EMC1: variants seen among roughly 807,000 people sequenced by gnomAD.
The protein encoded by EMC1 is ER membrane protein complex subunit 1.
EMC1 carries 103 observed loss-of-function variants against 128.8 expected under a neutral mutation model. That is an observed-to-expected ratio of 0.80 (90% confidence interval 0.68 to 0.94). The LOEUF (loss-of-function observed/expected upper bound fraction) is 0.94, where lower values mean the gene tolerates loss of function less well. Ranked by LOEUF, EMC1 falls within the 40% of genes least tolerant of loss-of-function variation. EMC1 has a pLI of 0.00. For synonymous variants in EMC1, 442 were observed against 490.4 expected, an observed-to-expected ratio of 0.90 and a Z score of 1.30; for missense variants, 1,083 against 1,250.6, an observed-to-expected ratio of 0.87 and a Z score of 2.02.
chr1:19,232,995 G>C lies in EMC1; in HGVS notation c.1573C>G (p.Leu525Val), dbSNP rs1192871067. ...QIKNEINIDT[L>V]ARDEFNLQKM... The stretch of plus-strand genomic sequence containing the variant: ...TGGAGGTTGAATTCATCTCTGGCCA[G>C]GGTGTCAATGTTGATCTCATTCTTA... The change falls in exon 14 of 23, where the codon CTG becomes GTG. Residue 525 changes from leucine (L) to valine (V), a missense_variant. Leu to Val is a conservative substitution (Grantham distance 32). Transcript: ENST00000477853. 8.1e-6 allele frequency: 13 copies of C among 1,614,190 alleles called. No homozygotes were observed. The highest frequency in any genetic ancestry group is 1.0e-5 in the Non-Finnish European group (12 of 1,180,036).
intron 21 of EMC1, chr1:19,220,441 A>C (rs2093422835): frequency 5.1e-6 from 1 of 194,526 alleles, no homozygotes; most frequent in Non-Finnish European, 1.0e-5. Context: ...GCACCTTCTC[A>C]AAGGGGCTTT....
intron 1 of EMC1, among the ~76,000 whole-genome samples, chr1:19,249,021 C>T (rs2093644781): frequency 6.6e-6 from 1 of 151,702 alleles, no homozygotes; most frequent in Admixed American, 6.6e-5. Flanking sequence ...AGCAAGATCC[C>T]ATGTCAAAAA....
chr1:19,231,519 G>C, intron 15 of EMC1, 97 bp from the exon 16 acceptor site: 1 of 1,287,826 alleles, frequency 7.8e-7, no homozygotes, highest in Admixed American at 2.9e-5. Context: ...ACAACTGTGG[G>C]GGTTCTCTAG....
chr1:19,242,344 C>A lies in EMC1; in HGVS notation c.509+1G>T, dbSNP rs2093611226. ...TATTGCCTGTGAGCAGGCAGCCTTACCTTTCTGGGAGATGTTCCACCCACT... is the reference window on the plus strand; with the variant it reads ...TATTGCCTGTGAGCAGGCAGCCTTAACTTTCTGGGAGATGTTCCACCCACT... On this transcript the variant is annotated splice_donor_variant, in intron 5 of 22. Transcript: ENST00000477853. LOFTEE classifies it high-confidence loss of function. 8.7e-6 allele frequency: 14 copies of A among 1,614,074 alleles called. No homozygotes were observed. Among genetic ancestry groups the A allele is most frequent in the African/African-American group, 1.3e-5 (1 of 74,934 alleles).
intron 4 of EMC1, 150 bp downstream of exon 4, chr1:19,243,464 A>G: frequency 1.5e-6 from 1 of 683,136 alleles, no homozygotes; most frequent in South Asian, 1.7e-5. Flanking sequence ...TTGGCTGAGC[A>G]AGCATATCCA....
chr1:19,237,790 A>G (rs750491043), intron 11 of EMC1, among the ~76,000 whole-genome samples: 3 of 152,218 alleles, frequency 2.0e-5, no homozygotes, highest in Non-Finnish European at 4.4e-5. Flanking sequence ...TAAATCAATT[A>G]ATGTGTAAGT....
Position 19,243,973 on chromosome 1 carries a change from T to G in EMC1, c.263A>C (p.Asp88Ala). 1 of 1,614,132 alleles carries G rather than the reference T, an allele frequency of 6.2e-7. No homozygotes were observed. The highest frequency in any genetic ancestry group is 1.3e-5 in the African/African-American group (1 of 75,030). ...VDKGTAEGAV[D>A]AMLLHGQDVI... ...ACCCTGTCCGTGCAGCAGCATGGCATCCACAGCCCCTTCTGCCGTGCCCTT... is the reference window on the plus strand; with the variant it reads ...ACCCTGTCCGTGCAGCAGCATGGCAGCCACAGCCCCTTCTGCCGTGCCCTT... The change falls in exon 3 of 23, where the codon GAT (aspartate) becomes GCT (alanine). Residue 88 changes from aspartate (D) to alanine (A), a missense_variant. Asp to Ala is a moderately radical substitution (Grantham distance 126). This residue lies in a region of EMC1 where 544 missense variants were observed against 572.4 expected (regional missense o/e 0.95). Transcript: ENST00000477853.
chr1:19,231,008 C>T, intron 16 of EMC1, 45 bp from the exon 17 acceptor site: 1 of 1,609,372 alleles, frequency 6.2e-7, no homozygotes, highest in Non-Finnish European at 8.5e-7. Flanking sequence ...GGAAATTTCC[C>T]CATCAAAGAG....
chr1:19,247,034 C>A (rs1394564235), intron 1 of EMC1, among the ~76,000 whole-genome samples: 4 of 152,184 alleles, frequency 2.6e-5, no homozygotes, highest in Non-Finnish European at 4.4e-5. Context: ...AAGAAGGCAG[C>A]CTTTTGCAAG....
Position 19,235,256 on chromosome 1 carries a change from C to T in EMC1, c.1310-4G>A. On this transcript the variant is annotated splice_region_variant and splice_polypyrimidine_tract_variant and intron_variant, in intron 12 of 22. Coordinates refer to ENST00000477853, the MANE Select transcript of EMC1 (RefSeq NM_015047.3). ...CTCCACAGCACCACCTTCCCTGCTA[C>T]AGGAAACATTTTTACAAAGCTAAGC... 6.2e-7 allele frequency: 1 copy of T among 1,610,914 alleles called. No homozygotes were observed.
intron 8 of EMC1, 89 bp downstream of exon 8, chr1:19,239,729 A>G (rs933458906): frequency 7.1e-7 from 1 of 1,403,110 alleles, no homozygotes; most frequent in Non-Finnish European, 9.9e-7. Context: ...CTAAGAGCAA[A>G]CGTTTCCAGA....
chr1:19,236,858 C>T (rs2093568462), intron 12 of EMC1, among the ~76,000 whole-genome samples: 1 of 150,658 alleles, frequency 6.6e-6, no homozygotes, highest in South Asian at 2.1e-4. Flanking sequence ...ATCCCAGCTA[C>T]TCAGGAGGCT....
Position 19,243,716 on chromosome 1 carries a change from G to A in EMC1, c.287-9C>T, listed in dbSNP as rs1167141406. ...GGACACAGTGATCACATCTGGAAAAGAAAAGATCGTGGTGAAGTCATTTCC... is the reference window on the plus strand; with the variant it reads ...GGACACAGTGATCACATCTGGAAAAAAAAAGATCGTGGTGAAGTCATTTCC... On this transcript the variant is annotated splice_polypyrimidine_tract_variant and intron_variant, in intron 3 of 22. Transcript: ENST00000477853. The A allele has an allele frequency of 6.2e-7, 1 of 1,613,740 alleles. No individual in the cohort carries two copies. Among genetic ancestry groups the A allele is most frequent in the Non-Finnish European group, 8.5e-7 (1 of 1,179,746 alleles).
intron 21 of EMC1, chr1:19,220,521 TCTG>T: frequency 3.1e-6 from 1 of 327,732 alleles, no homozygotes; most frequent in Non-Finnish European, 5.6e-6. Context: ...CCTGTTTTAC[TCTG>T]CTTAGCATTT....
chr1:19,251,410 C>G lies in EMC1; in HGVS notation c.95+5G>C. On this transcript the variant is annotated splice_donor_5th_base_variant and intron_variant, in intron 1 of 22. Transcript: ENST00000477853. ...ATCTCTCGAATATGTTCCACACGTA[C>G]GCACCAATCAAACTTGCCCACTTGG... The G allele has an allele frequency of 6.2e-7, 1 of 1,612,640 alleles. No individual in the cohort carries two copies. Among genetic ancestry groups the G allele is most frequent in the South Asian group, 1.1e-5 (1 of 91,068 alleles).
At chr1:19,231,903 G>A (rs1378208511) in intron 15 of EMC1, among the ~76,000 whole-genome samples, 1 of 152,040 alleles carries the variant, frequency 6.6e-6, no homozygotes, top group Non-Finnish European at 1.5e-5. Context: ...GATTATAAGC[G>A]TGAGCCACCG....
chr1:19,242,433 T>C lies in EMC1; in HGVS notation c.421A>G (p.Arg141Gly). ...GTCTTCTTCAGGACTGCGATGTACC[T>C]TACAGACTCCTGCAGGCCAACCAGC... ...LGLVGLQESVRYIAVLKKTTL... is the reference protein window; with the variant it reads ...LGLVGLQESVGYIAVLKKTTL... The change falls in exon 5 of 23, where the codon AGG becomes GGG. Residue 141 changes from arginine to glycine, a missense_variant. Physicochemically the swap from Arg to Gly is moderately radical, Grantham distance 125. Coordinates refer to ENST00000477853, the MANE Select transcript of EMC1 (RefSeq NM_015047.3). 6.2e-7 allele frequency: 1 copy of C among 1,614,152 alleles called. No homozygotes were observed. The highest frequency in any genetic ancestry group is 8.5e-7 in the Non-Finnish European group (1 of 1,180,024).
In EMC1 at chr1:19,240,466, A is replaced by G. The variant is rs1387440149; in HGVS notation, c.637-20T>C. Reference sequence around the variant, plus strand: ...CCTAACCTACAGAAAAGTCATCGTTAACAGGAAGCTCGTGAAAGATTTTTA... The same window carrying G: ...CCTAACCTACAGAAAAGTCATCGTTGACAGGAAGCTCGTGAAAGATTTTTA... On this transcript the variant is annotated intron_variant, in intron 6 of 22. Transcript: ENST00000477853. 1 of 1,613,242 alleles carries G rather than the reference A, an allele frequency of 6.2e-7. No individual in the cohort carries two copies. The highest frequency in any genetic ancestry group is 8.5e-7 in the Non-Finnish European group (1 of 1,179,362).
rs886228327 is a variant in EMC1 at position 19,242,457 on chromosome 1, G to C, written c.397C>G (p.Leu133Val). 3 of 1,613,990 alleles carry C rather than the reference G, an allele frequency of 1.9e-6. No homozygotes were observed. The African/African-American group carries it at 4.0e-5, about 22-fold the overall frequency. ...CTTACAGACTCCTGCAGGCCAACCA[G>C]CCCAAGTGCCTGGAAACTGAACACA... ...LDSGSFQALGLVGLQESVRYI... is the reference protein window; with the variant it reads ...LDSGSFQALGVVGLQESVRYI... The change falls in exon 5 of 23, where the codon CTG becomes GTG. Residue 133 changes from leucine to valine, a missense_variant. Physicochemically the swap from Leu to Val is conservative, Grantham distance 32. Around this residue, in one of 3 missense-constraint regions of EMC1, gnomAD observed 544 missense variants for 572.4 expected, o/e 0.95. Coordinates refer to ENST00000477853, the MANE Select transcript of EMC1 (RefSeq NM_015047.3).
Sources: allele counts gnomAD v4.1 joint callset (sites outside exome capture counted in the v4.1 genomes callset), GRCh38; gene constraint gnomAD v4.1.1; regional missense constraint gnomAD v4.1.1; transcripts MANE v1.5; gene names NCBI Gene and HGNC (gene_info 2026-07-23, HGNC 2026-07-21).